The following ITGB6 variants were observed in gnomAD, a reference collection of about 807,000 sequenced individuals.
ITGB6 encodes integrin subunit beta 6, also known as integrin beta-6.
In ITGB6, 80 loss-of-function variants were observed where a neutral mutation model predicts 84.5. The ratio of observed to expected loss-of-function variants is 0.95; its 90% CI spans 0.79 to 1.14. The LOEUF (loss-of-function observed/expected upper bound fraction) is 1.14, where lower values mean the gene tolerates loss of function less well. Ranked by LOEUF, ITGB6 falls within the 50% of genes most tolerant of loss-of-function variation. ITGB6 has a pLI of 0.00. For missense variants in ITGB6, 1,006 were observed against 968.0 expected (o/e 1.04, Z -0.52); for synonymous variants, 383 against 354.9 (o/e 1.08, Z -0.89).
chr2:160,156,478 G>A (rs1684627928), intron 7 of ITGB6, among the ~76,000 whole-genome samples: 1 of 152,186 alleles, frequency 6.6e-6, no homozygotes, highest in African/African-American at 2.4e-5. Flanking sequence ...CCTCGGGATA[G>A]TGGCAGGAAT....
At chr2:160,133,756 C>T (rs1180492243) in intron 10 of ITGB6, among the ~76,000 whole-genome samples, 12 of 152,170 alleles carry the variant, frequency 7.9e-5, no homozygotes, top group Admixed American at 6.6e-4. Context: ...GAAACTCACT[C>T]GAAACTGCTC....
intron 7 of ITGB6, among the ~76,000 whole-genome samples, chr2:160,144,228 A>T (rs999626475): frequency 6.6e-6 from 1 of 152,072 alleles, no homozygotes; most frequent in Non-Finnish European, 1.5e-5. Context: ...ACAGTGTGAG[A>T]TGCTGCTCTG....
At chr2:160,182,294 C>T (rs1158979098) in intron 4 of ITGB6, among the ~76,000 whole-genome samples, 5 of 152,134 alleles carry the variant, frequency 3.3e-5, no homozygotes, top group South Asian at 2.1e-4. Context: ...TAGAGAAGAA[C>T]ATAAATGACC....
intron 10 of ITGB6, among the ~76,000 whole-genome samples, chr2:160,133,475 C>T (rs919523986): frequency 5.3e-5 from 8 of 152,102 alleles, no homozygotes; most frequent in Non-Finnish European, 8.8e-5. Flanking sequence ...CTTTAACACC[C>T]CACTGTCAAC....
chr2:160,189,731 TA>T (rs1051972921), intron 4 of ITGB6, among the ~76,000 whole-genome samples: 161 of 151,878 alleles, frequency 1.1e-3, no homozygotes, highest in African/African-American at 3.7e-3. Flanking sequence ...TGTGGAGAAA[TA>T]GGAACACTTT....
chr2:160,149,607 T>C (rs1684334294), intron 7 of ITGB6, among the ~76,000 whole-genome samples: 1 of 152,180 alleles, frequency 6.6e-6, no homozygotes, highest in Admixed American at 6.5e-5. Context: ...AGAATCACTT[T>C]GACAAGTTGA....
chr2:160,162,681 C>T lies in ITGB6; in HGVS notation c.1017+6531G>A, dbSNP rs566774179. On this transcript the variant is annotated intron_variant, in intron 7 of 14. Transcript: ENST00000283249. ...TTGCCCAGGCTAGAGTGCAATGGTGCGATCTCGGCTCACTGCAACCTCCGC... is the reference window on the plus strand; with the variant it reads ...TTGCCCAGGCTAGAGTGCAATGGTGTGATCTCGGCTCACTGCAACCTCCGC... 5.6e-3 allele frequency among the ~76,000 whole-genome samples: 847 copies of T among 152,212 alleles called. 11 individuals carry two copies. The highest frequency in any genetic ancestry group is 0.02 in the African/African-American group (816 of 41,534).
intron 7 of ITGB6, among the ~76,000 whole-genome samples, chr2:160,165,635 C>T (rs1684974487): frequency 6.6e-6 from 1 of 152,186 alleles, no homozygotes; most frequent in Non-Finnish European, 1.5e-5. Context: ...TGGATAATTT[C>T]CACAAGCCAC....
At chr2:160,104,264 G>A (rs939043051) in intron 14 of ITGB6, among the ~76,000 whole-genome samples, 24 of 152,182 alleles carry the variant, frequency 1.6e-4, no homozygotes, top group African/African-American at 5.3e-4. Flanking sequence ...CCTGGCCTCA[G>A]CTGAAGATCA....
At chr2:160,145,713 A>G (rs1281341942) in intron 7 of ITGB6, among the ~76,000 whole-genome samples, 2 of 152,156 alleles carry the variant, frequency 1.3e-5, no homozygotes, top group Non-Finnish European at 2.9e-5. Flanking sequence ...GCAGAGGAAC[A>G]TGCGGTCACA....
chr2:160,107,561 G>C, intron 14 of ITGB6, 118 bp downstream of exon 14: 1 of 893,682 alleles, frequency 1.1e-6, no homozygotes, highest in South Asian at 1.6e-5. Context: ...CATGGCGAGA[G>C]TGGGAGAGAA....
intron 4 of ITGB6, among the ~76,000 whole-genome samples, chr2:160,189,600 A>G (rs1404182958): frequency 1.3e-5 from 2 of 152,228 alleles, no homozygotes; most frequent in Non-Finnish European, 2.9e-5. Context: ...GACACATGAA[A>G]AAATGGTCAT....
chr2:160,146,716 C>T (rs768745884), intron 7 of ITGB6, among the ~76,000 whole-genome samples: 15 of 151,946 alleles, frequency 9.9e-5, no homozygotes, highest in Admixed American at 8.5e-4. Context: ...TTAATGGCAG[C>T]GTAACATACA....
intron 2 of ITGB6, 151 bp from the exon 3 acceptor site, chr2:160,196,571 T>C (rs781681106): frequency 1.4e-5 from 9 of 650,176 alleles, no homozygotes; most frequent in Admixed American, 2.9e-5. Context: ...TGATTATAGG[T>C]CTAAAGTTAA....
At chr2:160,152,104 A>G (rs1483562283) in intron 7 of ITGB6, among the ~76,000 whole-genome samples, 1 of 152,246 alleles carries the variant, frequency 6.6e-6, no homozygotes, top group Non-Finnish European at 1.5e-5. Context: ...TTATGAGGCC[A>G]ACATCATCCT....
At chr2:160,169,366 G>A in intron 6 of ITGB6, 59 bp from the exon 7 acceptor site, 1 of 999,284 alleles carries the variant, frequency 1.0e-6, no homozygotes, top group Non-Finnish European at 1.5e-6. Flanking sequence ...ATAAAGAAAG[G>A]AATATTTATT....
In ITGB6 at chr2:160,193,372, A is replaced by G. The variant is rs1027135882; in HGVS notation, c.593+1997T>C. 1.1e-4 allele frequency among the ~76,000 whole-genome samples: 16 copies of G among 152,230 alleles called. No individual in the cohort carries two copies. In the East Asian group the frequency reaches 1.7e-3, roughly 16 times the overall value. On this transcript the variant is annotated intron_variant, in intron 4 of 14. Coordinates refer to ENST00000283249, the MANE Select transcript of ITGB6 (RefSeq NM_000888.5). ...ACATTATGTTGAACCAAAGAAGCCAAACACATAGGGCATATACTACATTAT... is the reference window on the plus strand; with the variant it reads ...ACATTATGTTGAACCAAAGAAGCCAGACACATAGGGCATATACTACATTAT...
At chr2:160,197,083 T>C (rs945002105) in intron 2 of ITGB6, among the ~76,000 whole-genome samples, 1 of 152,120 alleles carries the variant, frequency 6.6e-6, no homozygotes, top group African/African-American at 2.4e-5. Flanking sequence ...AGTATCCTAG[T>C]TCAAGATCCT....
chr2:160,183,919 C>A (rs954917453), intron 4 of ITGB6, among the ~76,000 whole-genome samples: 6 of 152,152 alleles, frequency 3.9e-5, no homozygotes, highest in Admixed American at 2.6e-4. Flanking sequence ...TAAAGAAGTT[C>A]TTTGAAACCA....
Sources: allele counts gnomAD v4.1 joint callset (sites outside exome capture counted in the v4.1 genomes callset), GRCh38; gene constraint gnomAD v4.1.1; transcripts MANE v1.5; gene names NCBI Gene and HGNC (gene_info 2026-07-23, HGNC 2026-07-21).